Variants in CECR2 observed in about 807,000 individuals in gnomAD.
CECR2 encodes the protein CECR2 histone acetyl-lysine reader.
Under a neutral mutation model 154.5 loss-of-function variants are expected in CECR2, and 30 were observed. The observed-to-expected ratio is 0.19, with a 90% CI of 0.15 to 0.26. The LOEUF is 0.26. Among genes scored for constraint, CECR2 ranks in the 10% least tolerant of loss-of-function variants. CECR2 has a pLI of 1.00. For synonymous variants in CECR2, 725 were observed against 683.7 expected, an observed-to-expected ratio of 1.06 and a Z score of -0.94; for missense variants, 1,743 against 1,829.3, an observed-to-expected ratio of 0.95 and a Z score of 0.86.
At chr22:17,498,771 G>T (rs992165431) in intron 3 of CECR2, among the ~76,000 whole-genome samples, 48 of 57,892 alleles carry the variant, frequency 8.3e-4, no homozygotes, top group Non-Finnish European at 1.3e-3. Context: ...TTTCGTGTGT[G>T]CTCACATAAA....
chr22:17,383,018 G>C (rs1269718051), intron 1 of CECR2, among the ~76,000 whole-genome samples: 2 of 152,160 alleles, frequency 1.3e-5, no homozygotes, highest in African/African-American at 2.4e-5. Flanking sequence ...ATGAGGTCAG[G>C]AGTTCGAGAC....
chr22:17,456,328 T>C (rs1205392566), intron 1 of CECR2, among the ~76,000 whole-genome samples: 1 of 152,198 alleles, frequency 6.6e-6, no homozygotes, highest in Admixed American at 6.5e-5. Context: ...CTGGCCATCT[T>C]GGTTCCTCTT....
At chr22:17,509,427 C>T (rs922317458) in intron 7 of CECR2, among the ~76,000 whole-genome samples, 4 of 141,046 alleles carry the variant, frequency 2.8e-5, no homozygotes, top group Admixed American at 7.2e-5. Context: ...TGTTTCTTTT[C>T]TTTTTTTTTT....
At position 17,488,173 on chromosome 22, in the gene CECR2, G is replaced by A. The variant is rs148449898; in HGVS notation, c.222-9230G>A. Among the ~76,000 whole-genome samples the A allele has an allele frequency of 1.5e-3, 228 of 152,210 alleles. 2 individuals are homozygous for A. The highest frequency in any genetic ancestry group is 6.8e-3 in the Middle Eastern group (2 of 294). On this transcript the variant is annotated intron_variant, in intron 2 of 18. Coordinates refer to ENST00000262608, the MANE Select transcript of CECR2 (RefSeq NM_001290047.2). ...GCTGGGATTACAGGCGTGAGCCACCGCACCCGGCCTCATTTAATTTTTAAT... is the reference window on the plus strand; with the variant it reads ...GCTGGGATTACAGGCGTGAGCCACCACACCCGGCCTCATTTAATTTTTAAT...
At chr22:17,504,721 T>G (rs1047947940) in intron 6 of CECR2, 126 bp from the exon 7 acceptor site, 185 of 754,024 alleles carry the variant, frequency 2.5e-4, no homozygotes, top group Non-Finnish European at 3.6e-4. Context: ...GATTACAGGC[T>G]TGAGCCACCG....
rs141962827 is a variant in CECR2, at chr22:17,403,283, C to G, written c.126+33374C>G. ...TCCTCATTTTTTTCTTTTGGTACTG[C>G]CATTGTTTGGCTATACCCACTTTTT... On this transcript the variant is annotated intron_variant, in intron 1 of 18. Transcript: ENST00000262608. 5.1e-3 allele frequency among the ~76,000 whole-genome samples: 760 copies of G among 148,556 alleles called. 6 individuals are homozygous for G. Among genetic ancestry groups the G allele is most frequent in the African/African-American group, 0.018 (715 of 39,168 alleles).
intron 7 of CECR2, among the ~76,000 whole-genome samples, chr22:17,505,367 G>A (rs2055820887): frequency 6.6e-6 from 1 of 151,572 alleles, no homozygotes; most frequent in African/African-American, 2.4e-5. Context: ...TTGTGGGTTT[G>A]TCTTTGTCCT....
At chr22:17,472,456 G>A (rs1026248295) in intron 1 of CECR2, among the ~76,000 whole-genome samples, 2 of 152,128 alleles carry the variant, frequency 1.3e-5, no homozygotes, top group African/African-American at 2.4e-5. Context: ...TTGCGGTTCC[G>A]GGTCCTATAC....
At chr22:17,471,827 G>T (rs183084495) in intron 1 of CECR2, among the ~76,000 whole-genome samples, 6 of 152,200 alleles carry the variant, frequency 3.9e-5, no homozygotes, top group South Asian at 2.1e-4. Flanking sequence ...GAGCCACCAC[G>T]CCTGGCCATA....
chr22:17,378,108 T>C (rs537225299), intron 1 of CECR2, among the ~76,000 whole-genome samples: 110 of 151,426 alleles, frequency 7.3e-4, no homozygotes, highest in African/African-American at 2.4e-3. Flanking sequence ...CTCAGCCTCC[T>C]GAGTAGCTGG....
Position 17,401,613 on chromosome 22 carries a change from G to A in CECR2, c.126+31704G>A, listed in dbSNP as rs112526344. On this transcript the variant is annotated intron_variant, in intron 1 of 18. Coordinates refer to ENST00000262608, the MANE Select transcript of CECR2 (RefSeq NM_001290047.2). ...CCTGTTCGTTCTACTCAGTGTAAAT[G>A]GAGATTCATTCATTCTGTAGCATGC... is the stretch of plus-strand genomic sequence containing the variant. 9.5e-4 allele frequency among the ~76,000 whole-genome samples: 145 copies of A among 152,250 alleles called. 4 individuals carry two copies. Among genetic ancestry groups the A allele is most frequent in the African/African-American group, 3.3e-3 (139 of 41,542 alleles).
At chr22:17,445,928 AATGC>A (rs1171480493) in intron 1 of CECR2, among the ~76,000 whole-genome samples, 74 of 152,256 alleles carry the variant, frequency 4.9e-4, no homozygotes, top group African/African-American at 1.7e-3. Flanking sequence ...TAAATGCTAT[AATGC>A]TATATGCATA....
Position 17,554,692 on chromosome 22 carries a change from AT to A in CECR2, c.*1855del, listed in dbSNP as rs1417604453. 6.6e-6 allele frequency: 1 copy of A among 152,146 alleles called. No homozygotes were observed. 9.4% of individuals were successfully genotyped at this position (152,146 alleles called of 1,614,324 possible). A position where few individuals can be genotyped will look rare whatever the true frequency, so the allele number is the denominator to read the frequency against. ...TCTCTCAGAGAGGTTTTAATTTTAA[AT>A]TTGATGTATTTGCAAGTGGATTGAG... On this transcript the variant is annotated 3_prime_UTR_variant, in exon 19 of 19. Coordinates refer to ENST00000262608, the MANE Select transcript of CECR2 (RefSeq NM_001290047.2).
chr22:17,537,371 T>C (rs2056453551), intron 10 of CECR2, 139 bp downstream of exon 10: 50 of 964,970 alleles, frequency 5.2e-5, no homozygotes, highest in Non-Finnish European at 7.6e-5. Context: ...GGGCGGGCCC[T>C]GCACACACAG....
intron 8 of CECR2, among the ~76,000 whole-genome samples, chr22:17,515,536 A>T (rs537479596): frequency 1.3e-5 from 2 of 152,356 alleles, no homozygotes; most frequent in South Asian, 4.1e-4. Flanking sequence ...TATATTTAAG[A>T]TACTTTGTGA....
intron 2 of CECR2, among the ~76,000 whole-genome samples, chr22:17,492,134 G>T (rs2055543814): frequency 6.6e-6 from 1 of 152,168 alleles, no homozygotes; most frequent in Non-Finnish European, 1.5e-5. Context: ...GTTAAACGTG[G>T]CCTGTGTGTA....
chr22:17,534,339 A>C (rs968332299), intron 9 of CECR2, among the ~76,000 whole-genome samples: 1 of 152,136 alleles, frequency 6.6e-6, no homozygotes, highest in Non-Finnish European at 1.5e-5. Flanking sequence ...ACACTTGTTC[A>C]TTTATAGGGA....
At chr22:17,535,606 A>G (rs2056425891) in intron 9 of CECR2, among the ~76,000 whole-genome samples, 1 of 152,114 alleles carries the variant, frequency 6.6e-6, no homozygotes, top group African/African-American at 2.4e-5. Context: ...CAAAATGTTT[A>G]AAGTTTGACA....
At chr22:17,540,268 T>C in intron 13 of CECR2, 144 bp from the exon 14 acceptor site, 1 of 706,474 alleles carries the variant, frequency 1.4e-6, no homozygotes, top group Non-Finnish European at 2.1e-6. Flanking sequence ...ATTAAACTCA[T>C]AGATTACCCA....
Sources: allele counts gnomAD v4.1 joint callset (sites outside exome capture counted in the v4.1 genomes callset), GRCh38; gene constraint gnomAD v4.1.1; transcripts MANE v1.5; gene names NCBI Gene and HGNC (gene_info 2026-07-23, HGNC 2026-07-21).